STK3: variants seen among roughly 807,000 people sequenced by gnomAD.
STK3 encodes the protein serine/threonine-protein kinase 3.
STK3 carries 41 observed loss-of-function variants against 58.0 expected under a neutral mutation model. The ratio of observed to expected loss-of-function variants is 0.71; its 90% CI spans 0.55 to 0.92. The LOEUF (loss-of-function observed/expected upper bound fraction) is 0.92. STK3 is among the 40% of genes least tolerant of loss of function. The pLI is 0.00. For missense variants in STK3, 479 were observed against 602.7 expected (o/e 0.79, Z 2.15); for synonymous variants, 170 against 191.0 (o/e 0.89, Z 0.91).
chr8:98,569,598 A>C (rs1391525283), intron 8 of STK3, among the ~76,000 whole-genome samples: 1 of 152,120 alleles, frequency 6.6e-6, no homozygotes, highest in Non-Finnish European at 1.5e-5. Flanking sequence ...TGATTAGAAA[A>C]CTGTAAAAAC....
At chr8:98,755,793 C>T (rs996909943) in intron 3 of STK3, among the ~76,000 whole-genome samples, 1 of 152,182 alleles carries the variant, frequency 6.6e-6, no homozygotes, top group Non-Finnish European at 1.5e-5. Flanking sequence ...AAGATAGGTA[C>T]CAATCTGTCT....
At chr8:98,843,850 C>A (rs1293990586) in intron 3 of STK3, among the ~76,000 whole-genome samples, 1 of 152,194 alleles carries the variant, frequency 6.6e-6, no homozygotes, top group Non-Finnish European at 1.5e-5. Context: ...AACCCCGTCT[C>A]TACTACAAAG....
downstream of STK3, among the ~76,000 whole-genome samples, chr8:98,450,854 G>T (rs1459081701): frequency 6.6e-6 from 1 of 152,160 alleles, no homozygotes; most frequent in Non-Finnish European, 1.5e-5. Flanking sequence ...AGAGCCATCA[G>T]CAAGCAGGCT....
intron 1 of STK3, among the ~76,000 whole-genome samples, chr8:98,781,259 G>C (rs1481902916): frequency 1.3e-5 from 2 of 152,182 alleles, no homozygotes; most frequent in Non-Finnish European, 2.9e-5. Context: ...TTGCTGAGTT[G>C]AAGAAATAGA....
chr8:98,667,325 T>C (rs545211525), intron 6 of STK3, among the ~76,000 whole-genome samples: 2 of 152,174 alleles, frequency 1.3e-5, no homozygotes, highest in African/African-American at 2.4e-5. Context: ...GGGTGGTCTA[T>C]GGGCAATTTT....
chr8:98,919,680 A>T (rs1839481873), intron 1 of STK3, among the ~76,000 whole-genome samples: 1 of 152,240 alleles, frequency 6.6e-6, no homozygotes, highest in Non-Finnish European at 1.5e-5. Flanking sequence ...GCAATGGAAG[A>T]GTGGAGGAAT....
intron 1 of STK3, among the ~76,000 whole-genome samples, chr8:98,887,662 T>C (rs1006227936): frequency 2.0e-5 from 3 of 151,860 alleles, no homozygotes; most frequent in African/African-American, 4.8e-5. Context: ...ACCATAGAAA[T>C]GGAGATGACT....
At chr8:98,449,910 C>T (rs1278600068), downstream of STK3, among the ~76,000 whole-genome samples, 3 of 152,128 alleles carry the variant, frequency 2.0e-5, no homozygotes, top group Non-Finnish European at 4.4e-5. Context: ...CCTTTTGTTT[C>T]TCCGCCACAC....
chr8:98,587,586 T>G (rs943694869), intron 7 of STK3, among the ~76,000 whole-genome samples: 2 of 152,146 alleles, frequency 1.3e-5, no homozygotes, highest in Non-Finnish European at 2.9e-5. Flanking sequence ...TGATTTGGGA[T>G]GGAGAGTTCT....
chr8:98,713,797 T>C (rs1826752029), intron 4 of STK3, among the ~76,000 whole-genome samples: 1 of 152,192 alleles, frequency 6.6e-6, no homozygotes, highest in African/African-American at 2.4e-5. Context: ...ATCATCCTGA[T>C]ACCAAAGCCT....
chr8:98,666,374 TA>T (rs1023181014), intron 6 of STK3, among the ~76,000 whole-genome samples: 2 of 152,124 alleles, frequency 1.3e-5, no homozygotes, highest in African/African-American at 2.4e-5. Context: ...AACCTTATAG[TA>T]AAAAACAGCA....
intron 1 of STK3, among the ~76,000 whole-genome samples, chr8:98,811,894 C>G (rs1037952561): frequency 4.6e-5 from 7 of 152,222 alleles, no homozygotes; most frequent in Non-Finnish European, 1.0e-4. Context: ...ACTGCAGCCT[C>G]CGCCTCCCAA....
intron 10 of STK3, among the ~76,000 whole-genome samples, chr8:98,513,285 A>G (rs943165369): frequency 6.6e-6 from 1 of 152,124 alleles, no homozygotes; most frequent in Admixed American, 6.5e-5. Flanking sequence ...ATCATCACCC[A>G]GCCTACATAA....
At chr8:98,496,752 G>A (rs1407198336) in intron 10 of STK3, among the ~76,000 whole-genome samples, 1 of 151,996 alleles carries the variant, frequency 6.6e-6, no homozygotes, top group Non-Finnish European at 1.5e-5. Context: ...ATTTATATGA[G>A]GTATCTAAAA....
At chr8:98,374,195 CAAGCACTGGAATGAAA>C (rs1422013986) in intron 2 of STK3, among the ~76,000 whole-genome samples, 1 of 152,184 alleles carries the variant, frequency 6.6e-6, no homozygotes, top group Admixed American at 6.5e-5. Flanking sequence ...CAGTGAAGAT[CAAGCACTGGAATGAAA>C]AAGCATCCTG....
chr8:98,713,310 C>T (rs1826683509), intron 4 of STK3, among the ~76,000 whole-genome samples: 1 of 151,994 alleles, frequency 6.6e-6, no homozygotes, highest in African/African-American at 2.4e-5. Flanking sequence ...GAGATAGAGA[C>T]ACAAAAAACC....
At chr8:98,811,349 T>C (rs1203224600) in intron 1 of STK3, among the ~76,000 whole-genome samples, 1 of 152,220 alleles carries the variant, frequency 6.6e-6, no homozygotes. Context: ...ACACTGCTGG[T>C]AGCTGTATCA....
chr8:98,854,923 G>C (rs1836613462), intron 3 of STK3, among the ~76,000 whole-genome samples: 1 of 152,120 alleles, frequency 6.6e-6, no homozygotes, highest in Admixed American at 6.6e-5. Context: ...CAGGCGTGGT[G>C]GTGTGCACCT....
intron 6 of STK3, among the ~76,000 whole-genome samples, chr8:98,639,033 C>T (rs557294605): frequency 1.8e-4 from 27 of 151,764 alleles, no homozygotes; most frequent in African/African-American, 6.0e-4. Context: ...CTAACAACTA[C>T]GCATAAAGCT....
Sources: allele counts gnomAD v4.1 joint callset (sites outside exome capture counted in the v4.1 genomes callset), GRCh38; gene constraint gnomAD v4.1.1; transcripts MANE v1.5; gene names NCBI Gene and HGNC (gene_info 2026-07-23, HGNC 2026-07-21).